QDPR: variants seen among roughly 807,000 people sequenced by gnomAD.
QDPR encodes dihydropteridine reductase.
QDPR carries 23 observed loss-of-function variants against 31.7 expected under a neutral mutation model. The observed-to-expected ratio is 0.73, with a 90% confidence interval of 0.52 to 1.03. The LOEUF (loss-of-function observed/expected upper bound fraction) is 1.03, where lower values mean the gene tolerates loss of function less well. QDPR is among the 50% of genes least tolerant of loss of function. The pLI is 0.00. For missense variants in QDPR, 324 were observed against 323.8 expected, an observed-to-expected ratio of 1.00 and a Z score of 0.00; for synonymous variants, 124 against 124.7, an observed-to-expected ratio of 0.99 and a Z score of 0.03.
rs535849266 is a variant in QDPR, at chr4:17,499,106, T to C, written c.436+2613A>G. On this transcript the variant is annotated intron_variant, in intron 4 of 6. Transcript: ENST00000281243. ...CTCTGTAATACCTTTCTCATCCATT[T>C]AGATCCATTGAGACATTTACAAGGT... 3.3e-5 allele frequency among the ~76,000 whole-genome samples: 5 copies of C among 152,348 alleles called. No individual in the cohort carries two copies. The South Asian group carries it at 1.0e-3, about 32-fold the overall frequency.
At chr4:17,511,111 T>TGGTCCCAGAAAAA (rs1205654311) in intron 1 of QDPR, among the ~76,000 whole-genome samples, 2 of 152,176 alleles carry the variant, frequency 1.3e-5, no homozygotes, top group Non-Finnish European at 2.9e-5. Context: ...AGCCTTTTTC[T>TGGTCCCAGAAAAA]GGTCCCAGGG....
At chr4:17,497,093 C>T (rs944221300) in intron 4 of QDPR, among the ~76,000 whole-genome samples, 1 of 152,044 alleles carries the variant, frequency 6.6e-6, no homozygotes, top group African/African-American at 2.4e-5. Flanking sequence ...GACATGGGCA[C>T]ACACTAGAAT....
chr4:17,498,775 G>T (rs1006224248), intron 4 of QDPR, among the ~76,000 whole-genome samples: 7 of 152,178 alleles, frequency 4.6e-5, no homozygotes, highest in African/African-American at 1.7e-4. Context: ...CTTGGAAATA[G>T]GAGGGTGAGG....
At chr4:17,488,415 G>T (rs528271647) in intron 6 of QDPR, among the ~76,000 whole-genome samples, 3 of 152,014 alleles carry the variant, frequency 2.0e-5, no homozygotes, top group East Asian at 3.9e-4. Context: ...CATTTATAGA[G>T]TACCCACAGC....
chr4:17,507,660 G>A (rs1718837061), intron 2 of QDPR, among the ~76,000 whole-genome samples: 1 of 151,102 alleles, frequency 6.6e-6, no homozygotes. Flanking sequence ...ATGGAGTGCA[G>A]TGGCACAATC....
intron 4 of QDPR, 165 bp from the exon 5 acceptor site, chr4:17,492,505 G>A (rs1028374924): frequency 4.6e-6 from 3 of 651,074 alleles, no homozygotes; most frequent in African/African-American, 3.6e-5. Flanking sequence ...TCAAAAAATG[G>A]CAGAGAGCCA....
intron 4 of QDPR, among the ~76,000 whole-genome samples, chr4:17,498,128 A>G (rs975898908): frequency 6.6e-6 from 1 of 152,070 alleles, no homozygotes; most frequent in Admixed American, 6.6e-5. Context: ...GAAAACCACT[A>G]TTTCTTCTAG....
intron 4 of QDPR, among the ~76,000 whole-genome samples, chr4:17,498,372 G>A (rs1289400743): frequency 6.6e-6 from 1 of 152,112 alleles, no homozygotes; most frequent in African/African-American, 2.4e-5. Flanking sequence ...TAATCAGGGG[G>A]CATAACAAAC....
Position 17,504,433 on chromosome 4 carries a change from C to A in QDPR, c.241G>T (p.Asp81Tyr). The change falls in exon 3 of 7, where the codon GAT (aspartate) becomes TAT (tyrosine). Residue 81 changes from aspartate (D) to tyrosine (Y), a missense_variant. By Grantham distance (160) the Asp-to-Tyr change is radical. Transcript: ENST00000281243. ...VGKLLGEEKV[D>Y]AILCVAGGWA... ...CCTCCAGCAACGCAAAGAATTGCAT[C>A]CACCTTCTCTTCACCCAAGAGCTTT... 2 of 1,614,210 alleles carry A rather than the reference C, an allele frequency of 1.2e-6. No individual in the cohort carries two copies. Among genetic ancestry groups the A allele is most frequent in the African/African-American group, 2.7e-5 (2 of 75,050 alleles).
chr4:17,505,467 G>C (rs1017997967), intron 2 of QDPR, among the ~76,000 whole-genome samples: 1 of 152,058 alleles, frequency 6.6e-6, no homozygotes, highest in Non-Finnish European at 1.5e-5. Flanking sequence ...GGCTTGTCTC[G>C]AACTCCTGAC....
intron 2 of QDPR, among the ~76,000 whole-genome samples, chr4:17,508,633 TA>T (rs34858847): frequency 0.51 from 65,210 of 126,944 alleles, 15,137 homozygotes; most frequent in East Asian, 0.81. Flanking sequence ...TATTTAAGTA[TA>T]AAAAAAAAAA....
intron 4 of QDPR, among the ~76,000 whole-genome samples, chr4:17,496,861 A>T (rs890563979): frequency 2.4e-4 from 37 of 152,040 alleles, no homozygotes; most frequent in African/African-American, 8.7e-4. Context: ...GGTTCAAGCG[A>T]TTCTCCTGCC....
At chr4:17,499,841 C>T (rs1718496363) in intron 4 of QDPR, among the ~76,000 whole-genome samples, 1 of 152,146 alleles carries the variant, frequency 6.6e-6, no homozygotes, top group Admixed American at 6.5e-5. Flanking sequence ...ATTGCTTGAG[C>T]CCAGGAGTTC....
rs1379707672 is a variant in QDPR at position 17,487,292 on chromosome 4, T to C, written c.630-56A>G. 4 of 1,354,082 alleles carry C rather than the reference T, an allele frequency of 3.0e-6. No homozygotes were observed. The Admixed American group carries it at 5.2e-5, about 18-fold the overall frequency. The allele number at this position is 1,354,082 out of a possible 1,614,324, so 83.9% of individuals were successfully genotyped here. ...TTCTCAAAGCAAAAATCTGGGCACA[T>C]GCTGACCTTCACAGTGACGGCTTGT... On this transcript the variant is annotated intron_variant, in intron 6 of 6. Coordinates refer to ENST00000281243, the MANE Select transcript of QDPR (RefSeq NM_000320.3).
In QDPR at chr4:17,492,352, G is replaced by A; in HGVS notation, c.437-12C>T. 6.2e-7 allele frequency: 1 copy of A among 1,610,084 alleles called. No homozygotes were observed. ...GTACCCGATCATACCTGGGAAATGG[G>A]GAGAAGATGGCTCAGTGACCACTGG... On this transcript the variant is annotated splice_polypyrimidine_tract_variant and intron_variant, in intron 4 of 6. Transcript: ENST00000281243.
In QDPR at chr4:17,501,300, G is replaced by A. The variant is rs556691275; in HGVS notation, c.436+419C>T. 3.3e-5 allele frequency among the ~76,000 whole-genome samples: 5 copies of A among 152,244 alleles called. No individual in the cohort carries two copies. In the South Asian group the frequency reaches 6.2e-4, roughly 19 times the overall value. ...CCTCCCAAAAGTGCTGGGATTACAC[G>A]TGTGAGCCACTGTGCTGGCCAAATG... On this transcript the variant is annotated intron_variant, in intron 4 of 6. Coordinates refer to ENST00000281243, the MANE Select transcript of QDPR (RefSeq NM_000320.3).
chr4:17,502,893 G>GAAA (rs1718621158), intron 3 of QDPR, among the ~76,000 whole-genome samples: 1 of 152,084 alleles, frequency 6.6e-6, no homozygotes, highest in Non-Finnish European at 1.5e-5. Context: ...ACTGCAAACA[G>GAAA]AAAAAAAGTA....
In QDPR at chr4:17,500,687, ATC is replaced by A. The variant is rs1718530431; in HGVS notation, c.436+1030_436+1031del. 2.0e-5 allele frequency among the ~76,000 whole-genome samples: 3 copies of A among 152,326 alleles called. No individual in the cohort carries two copies. In the South Asian group the frequency reaches 6.2e-4, roughly 32 times the overall value. On this transcript the variant is annotated intron_variant, in intron 4 of 6. Transcript: ENST00000281243. ...AGCCTCCAGAGTTATGAGAAAATAA[ATC>A]TCTGTTGTTTAGGCCACCCAGTCTG...
At chr4:17,500,676 T>C (rs1718530009) in intron 4 of QDPR, among the ~76,000 whole-genome samples, 1 of 152,186 alleles carries the variant, frequency 6.6e-6, no homozygotes, top group Non-Finnish European at 1.5e-5. Flanking sequence ...TCCAGAGTTA[T>C]GAGAAAATAA....
Sources: gnomAD v4.1 joint callset for allele counts (sites outside exome capture counted in the v4.1 genomes callset) on GRCh38, gnomAD v4.1.1 for gene constraint, MANE v1.5 for transcripts, NCBI Gene and HGNC (gene_info 2026-07-23, HGNC 2026-07-21) for gene names.